Variants in CHCHD3 observed in about 807,000 individuals in gnomAD.
CHCHD3 encodes coiled-coil-helix-coiled-coil-helix domain containing 3.
A neutral mutation model predicts 38.2 loss-of-function variants in CHCHD3; 20 were observed. The ratio of observed to expected loss-of-function variants is 0.52; its 90% CI spans 0.37 to 0.76. The LOEUF (loss-of-function observed/expected upper bound fraction) is 0.76, where lower values mean the gene tolerates loss of function less well. Ranked by LOEUF, CHCHD3 falls within the 30% of genes least tolerant of loss-of-function variation. The pLI is 0.00. For missense variants in CHCHD3, 245 were observed against 279.2 expected, an observed-to-expected ratio of 0.88 and a Z score of 0.87; for synonymous variants, 82 against 100.0, an observed-to-expected ratio of 0.82 and a Z score of 1.07.
chr7:133,054,908 C>T (rs1453184656), intron 2 of CHCHD3, among the ~76,000 whole-genome samples: 1 of 152,194 alleles, frequency 6.6e-6, no homozygotes, highest in Non-Finnish European at 1.5e-5. Flanking sequence ...GCACCTTCTA[C>T]AGGTCAGACA....
At chr7:133,019,922 T>C (rs887053408) in intron 3 of CHCHD3, among the ~76,000 whole-genome samples, 1 of 152,168 alleles carries the variant, frequency 6.6e-6, no homozygotes, top group African/African-American at 2.4e-5. Flanking sequence ...CCTTGCTATA[T>C]TGGCCTACAC....
chr7:132,840,191 T>G (rs550691215), intron 5 of CHCHD3, among the ~76,000 whole-genome samples: 2 of 152,324 alleles, frequency 1.3e-5, no homozygotes, highest in African/African-American at 4.8e-5. Flanking sequence ...AAGATTTTCT[T>G]CCCTTAAAAT....
At chr7:132,874,915 T>C (rs1808857583) in intron 5 of CHCHD3, among the ~76,000 whole-genome samples, 1 of 152,134 alleles carries the variant, frequency 6.6e-6, no homozygotes, top group Non-Finnish European at 1.5e-5. Flanking sequence ...CCTCTTCTCA[T>C]TGACCTATGC....
intron 2 of CHCHD3, among the ~76,000 whole-genome samples, chr7:133,039,489 T>G (rs944764123): frequency 1.3e-5 from 2 of 152,160 alleles, no homozygotes; most frequent in East Asian, 1.9e-4. Flanking sequence ...GTAACTAAAA[T>G]CCAAACAGGA....
chr7:133,010,614 T>G (rs549858008), intron 3 of CHCHD3, among the ~76,000 whole-genome samples: 54 of 152,268 alleles, frequency 3.5e-4, no homozygotes, highest in African/African-American at 1.3e-3. Flanking sequence ...GTCTCACTCT[T>G]GTCACCCAGG....
intron 4 of CHCHD3, among the ~76,000 whole-genome samples, chr7:132,922,957 A>G (rs564995436): frequency 6.6e-6 from 1 of 152,328 alleles, no homozygotes; most frequent in South Asian, 2.1e-4. Flanking sequence ...ACTTACATGT[A>G]CAATCATCAT....
chr7:132,807,134 G>C (rs1224939153), intron 6 of CHCHD3, among the ~76,000 whole-genome samples: 4 of 152,186 alleles, frequency 2.6e-5, no homozygotes, highest in Non-Finnish European at 4.4e-5. Flanking sequence ...TACATGAGAA[G>C]AAGGTTCTCC....
At chr7:133,029,980 T>G (rs1363652158) in intron 2 of CHCHD3, among the ~76,000 whole-genome samples, 1 of 151,374 alleles carries the variant, frequency 6.6e-6, no homozygotes, top group Non-Finnish European at 1.5e-5. Flanking sequence ...AGCACAGCTA[T>G]CTTTCTAATG....
intron 4 of CHCHD3, among the ~76,000 whole-genome samples, chr7:132,921,834 T>C (rs1420445887): frequency 6.6e-6 from 1 of 152,228 alleles, no homozygotes; most frequent in African/African-American, 2.4e-5. Flanking sequence ...AGAAGTCTAA[T>C]TTCCCTACAG....
At chr7:132,803,082 T>C (rs1292070233) in intron 6 of CHCHD3, among the ~76,000 whole-genome samples, 1 of 152,180 alleles carries the variant, frequency 6.6e-6, no homozygotes. Context: ...AGCAGTTATA[T>C]AAAGTATTCT....
intron 4 of CHCHD3, among the ~76,000 whole-genome samples, chr7:132,927,446 T>G (rs1168853338): frequency 6.6e-6 from 1 of 152,192 alleles, no homozygotes; most frequent in Non-Finnish European, 1.5e-5. Context: ...GCAGGTAACT[T>G]GATAAAATAT....
intron 4 of CHCHD3, among the ~76,000 whole-genome samples, chr7:132,954,273 G>C (rs1201145866): frequency 6.6e-6 from 1 of 152,118 alleles, no homozygotes; most frequent in Non-Finnish European, 1.5e-5. Flanking sequence ...ACAGCACCTG[G>C]TGCAGAGGAG....
intron 2 of CHCHD3, among the ~76,000 whole-genome samples, chr7:133,059,922 G>A (rs1321197234): frequency 6.6e-6 from 1 of 152,142 alleles, no homozygotes; most frequent in Admixed American, 6.5e-5. Flanking sequence ...GTGGCTGAGC[G>A]TACAGAACAT....
intron 4 of CHCHD3, among the ~76,000 whole-genome samples, chr7:132,938,725 T>C (rs924120687): frequency 9.9e-5 from 15 of 152,084 alleles, no homozygotes; most frequent in Non-Finnish European, 2.9e-5. Flanking sequence ...AAACCTGCAG[T>C]GTGTCCCCGA....
intron 2 of CHCHD3, among the ~76,000 whole-genome samples, chr7:133,060,125 T>C (rs997863637): frequency 6.6e-6 from 1 of 152,190 alleles, no homozygotes; most frequent in Admixed American, 6.5e-5. Flanking sequence ...AATGAGGAAA[T>C]GGCTCTTGAA....
At chr7:132,992,961 C>T (rs1812322248) in intron 3 of CHCHD3, among the ~76,000 whole-genome samples, 1 of 152,194 alleles carries the variant, frequency 6.6e-6, no homozygotes, top group Non-Finnish European at 1.5e-5. Flanking sequence ...TTCACCGTAA[C>T]AGCTGAGTAA....
intron 3 of CHCHD3, among the ~76,000 whole-genome samples, chr7:133,003,684 G>A (rs1173627389): frequency 6.6e-6 from 1 of 152,068 alleles, no homozygotes. Context: ...TTTTACACTT[G>A]CCGAGGCCCA....
At chr7:132,886,655 T>C (rs1219648691) in intron 4 of CHCHD3, among the ~76,000 whole-genome samples, 1 of 151,308 alleles carries the variant, frequency 6.6e-6, no homozygotes, top group East Asian at 1.9e-4. Flanking sequence ...TATATATGTA[T>C]ATATGTGTGT....
intron 5 of CHCHD3, among the ~76,000 whole-genome samples, chr7:132,872,674 A>G (rs921113106): frequency 1.3e-5 from 2 of 152,166 alleles, no homozygotes; most frequent in African/African-American, 4.8e-5. Flanking sequence ...TCACTATTAA[A>G]TAAAACAATG....
Sources: allele counts gnomAD v4.1 joint callset (sites outside exome capture counted in the v4.1 genomes callset), GRCh38; gene constraint gnomAD v4.1.1; transcripts MANE v1.5; gene names NCBI Gene and HGNC (gene_info 2026-07-23, HGNC 2026-07-21).